TLK1: variants seen among roughly 807,000 people sequenced by gnomAD.
The protein encoded by TLK1 is serine/threonine-protein kinase tousled-like 1.
TLK1 carries 24 observed loss-of-function variants against 105.3 expected under a neutral mutation model. The ratio of observed to expected loss-of-function variants is 0.23; its 90% CI spans 0.17 to 0.32. The LOEUF is 0.32. Among genes scored for constraint, TLK1 ranks in the 10% least tolerant of loss-of-function variants. The pLI is 1.00. For synonymous variants in TLK1, 321 were observed against 310.4 expected (o/e 1.03, Z -0.36); for missense variants, 558 against 910.5 (o/e 0.61, Z 4.98).
intron 3 of TLK1, among the ~76,000 whole-genome samples, chr2:171,082,021 C>A (rs534284022): frequency 7.3e-6 from 1 of 137,482 alleles, no homozygotes; most frequent in African/African-American, 3.0e-5. Flanking sequence ...ATAAGACTGA[C>A]GGGAAAAATA....
chr2:171,140,217 A>C (rs1040638574), intron 1 of TLK1, among the ~76,000 whole-genome samples: 3 of 152,234 alleles, frequency 2.0e-5, no homozygotes, highest in Non-Finnish European at 4.4e-5. Flanking sequence ...AAGCCAATTA[A>C]AGAATTAAAA....
At chr2:171,216,424 C>T (rs535554729) in intron 1 of TLK1, among the ~76,000 whole-genome samples, 4 of 151,962 alleles carry the variant, frequency 2.6e-5, no homozygotes, top group Non-Finnish European at 4.4e-5. Flanking sequence ...TGCAGTGAGC[C>T]GAGATCATGC....
chr2:171,129,816 T>C (rs1276476309), intron 1 of TLK1, among the ~76,000 whole-genome samples: 1 of 140,646 alleles, frequency 7.1e-6, no homozygotes, highest in East Asian at 2.1e-4. Flanking sequence ...GCCTGGGATA[T>C]AGATAGGTTA....
At chr2:171,170,933 T>G (rs1692714631) in intron 1 of TLK1, among the ~76,000 whole-genome samples, 1 of 152,210 alleles carries the variant, frequency 6.6e-6, no homozygotes, top group African/African-American at 2.4e-5. Flanking sequence ...TTTCAATAAA[T>G]GAGGCTGGGT....
intron 13 of TLK1, among the ~76,000 whole-genome samples, chr2:171,013,425 T>C (rs1178541961): frequency 6.7e-6 from 1 of 148,680 alleles, no homozygotes; most frequent in African/African-American, 2.5e-5. Flanking sequence ...CCCTCCTCAG[T>C]TCCCCAAGTA....
At position 170,997,838 on chromosome 2, in the gene TLK1, G is replaced by C; in HGVS notation, c.1905-15C>G. ...GAGGTAAATACCTGTAAGTTTTGTG[G>C]GAGAGAAAAAAGGTTACTACTGACA... On this transcript the variant is annotated splice_polypyrimidine_tract_variant and intron_variant, in intron 18 of 20. Transcript: ENST00000431350. 2 of 1,519,874 alleles carry C rather than the reference G, an allele frequency of 1.3e-6. No individual in the cohort carries two copies. The highest frequency in any genetic ancestry group is 1.8e-6 in the Non-Finnish European group (2 of 1,114,744). 94.1% of individuals were successfully genotyped at this position (1,519,874 alleles called of 1,614,324 possible).
chr2:171,113,480 C>A (rs1043465502), intron 2 of TLK1, among the ~76,000 whole-genome samples: 2 of 152,094 alleles, frequency 1.3e-5, no homozygotes, highest in African/African-American at 4.8e-5. Flanking sequence ...ACCATGTTCA[C>A]CAGGCTAGTC....
chr2:171,118,339 C>A (rs185037116), intron 1 of TLK1, among the ~76,000 whole-genome samples: 1 of 152,270 alleles, frequency 6.6e-6, no homozygotes, highest in East Asian at 1.9e-4. Flanking sequence ...TCTGAGCATA[C>A]CCAGAATTGT....
intron 1 of TLK1, among the ~76,000 whole-genome samples, chr2:171,221,351 G>A (rs551399375): frequency 8.4e-4 from 128 of 152,252 alleles, no homozygotes; most frequent in Non-Finnish European, 1.1e-3. Context: ...GATGCTCGGC[G>A]TATGACTTCA....
chr2:171,081,874 C>T (rs1044287811), intron 3 of TLK1, among the ~76,000 whole-genome samples: 1 of 152,128 alleles, frequency 6.6e-6, no homozygotes, highest in Non-Finnish European at 1.5e-5. Flanking sequence ...TTCCTCTGAA[C>T]AGTGAAACAA....
intron 2 of TLK1, among the ~76,000 whole-genome samples, chr2:171,095,890 A>G (rs913380465): frequency 2.0e-5 from 3 of 152,176 alleles, no homozygotes; most frequent in African/African-American, 7.2e-5. Flanking sequence ...GCAATAAATG[A>G]TAAGCCCACA....
At chr2:171,117,193 G>A (rs914211961) in intron 2 of TLK1, among the ~76,000 whole-genome samples, 1 of 152,198 alleles carries the variant, frequency 6.6e-6, no homozygotes, top group Non-Finnish European at 1.5e-5. Flanking sequence ...CTCATAAGGA[G>A]TGCACAACCT....
intron 1 of TLK1, among the ~76,000 whole-genome samples, chr2:171,121,094 T>C (rs1690636053): frequency 6.6e-6 from 1 of 152,240 alleles, no homozygotes; most frequent in East Asian, 1.9e-4. Context: ...TAGTATTTAA[T>C]GGGTACAGAG....
chr2:171,112,580 T>C (rs775119166), intron 2 of TLK1, among the ~76,000 whole-genome samples: 5 of 152,130 alleles, frequency 3.3e-5, no homozygotes, highest in Non-Finnish European at 5.9e-5. Flanking sequence ...AGACACAGCA[T>C]TCAAGGTCAT....
At chr2:171,096,711 T>C (rs1038032381) in intron 2 of TLK1, among the ~76,000 whole-genome samples, 5 of 147,718 alleles carry the variant, frequency 3.4e-5, no homozygotes, top group African/African-American at 1.0e-4. Flanking sequence ...TGAACCAAGA[T>C]GGCACCACTG....
At chr2:171,106,711 T>A (rs1689945616) in intron 2 of TLK1, among the ~76,000 whole-genome samples, 1 of 142,672 alleles carries the variant, frequency 7.0e-6, no homozygotes. Context: ...CTCTTGATGC[T>A]ACTATCATTA....
chr2:171,156,836 C>A (rs185050459), intron 1 of TLK1, among the ~76,000 whole-genome samples: 1 of 152,092 alleles, frequency 6.6e-6, no homozygotes, highest in Non-Finnish European at 1.5e-5. Flanking sequence ...AACTATCATG[C>A]CATCTTTTTT....
At position 171,025,068 on chromosome 2, in the gene TLK1, T is replaced by C. The variant is rs915771402; in HGVS notation, c.1236+3271A>G. Reference sequence around the variant, plus strand: ...TTTTGGTAGTAACTAGAAACACCTATTTATTTTAGCCATGTATTTACTTTT... The same window carrying C: ...TTTTGGTAGTAACTAGAAACACCTACTTATTTTAGCCATGTATTTACTTTT... On this transcript the variant is annotated intron_variant, in intron 12 of 20. Transcript: ENST00000431350. Among the ~76,000 whole-genome samples, 35 of 152,178 alleles carry C rather than the reference T, an allele frequency of 2.3e-4. 2 individuals carry two copies. Among genetic ancestry groups the C allele is most frequent in the Admixed American group, 2.3e-3 (35 of 15,272 alleles).
At chr2:171,007,327 TA>T (rs1684693156) in intron 14 of TLK1, among the ~76,000 whole-genome samples, 1 of 152,008 alleles carries the variant, frequency 6.6e-6, no homozygotes, top group East Asian at 1.9e-4. Context: ...TGAATAAAAA[TA>T]AAACAATAAA....
Sources: gnomAD v4.1 joint callset for allele counts (sites outside exome capture counted in the v4.1 genomes callset) on GRCh38, gnomAD v4.1.1 for gene constraint, MANE v1.5 for transcripts, NCBI Gene and HGNC (gene_info 2026-07-23, HGNC 2026-07-21) for gene names.